Variants in RALGPS1 observed in about 807,000 individuals in gnomAD.
RALGPS1 encodes ras-specific guanine nucleotide-releasing factor RalGPS1.
Under a neutral mutation model 78.8 loss-of-function variants are expected in RALGPS1, and 19 were observed. The ratio of observed to expected loss-of-function variants is 0.24; its 90% CI spans 0.17 to 0.35. RALGPS1 has a LOEUF of 0.35. RALGPS1 is among the 10% of genes least tolerant of loss of function. The pLI, the probability that RALGPS1 is intolerant of heterozygous loss-of-function variation, is 1.00. For synonymous variants in RALGPS1, 228 were observed against 256.3 expected (o/e 0.89, Z 1.06); for missense variants, 454 against 688.3 (o/e 0.66, Z 3.81).
chr9:127,183,307 T>A lies in RALGPS1; in HGVS notation c.910+8525T>A, dbSNP rs1227638195. ...GGCACTTCCGTGGGTATTTCAGAGA[T>A]TCCACAAGTCCCTTGACCCAGGCAG... On this transcript the variant is annotated intron_variant, in intron 11 of 18. Coordinates refer to ENST00000259351, the MANE Select transcript of RALGPS1 (RefSeq NM_014636.3). This position sits in a 1 kb window ranked among gnomAD's most constrained non-coding sequence, Gnocchi z 4.0. 6.6e-6 allele frequency among the ~76,000 whole-genome samples: 1 copy of A among 152,158 alleles called. No homozygotes were observed. Among genetic ancestry groups the A allele is most frequent in the Non-Finnish European group, 1.5e-5 (1 of 68,026 alleles).
Position 127,009,162 on chromosome 9 carries a change from T to A in RALGPS1, c.217-25269T>A, listed in dbSNP as rs1588990996. ...ACATAGACTTCATTGAAAGGAAAATTTGGGAGCTGCACTATCAGCTTTAAT... is the reference window on the plus strand; with the variant it reads ...ACATAGACTTCATTGAAAGGAAAATATGGGAGCTGCACTATCAGCTTTAAT... On this transcript the variant is annotated intron_variant, in intron 4 of 18. Coordinates refer to ENST00000259351, the MANE Select transcript of RALGPS1 (RefSeq NM_014636.3). 2.0e-5 allele frequency among the ~76,000 whole-genome samples: 3 copies of A among 152,202 alleles called. No homozygotes were observed. In the East Asian group the frequency reaches 5.8e-4, roughly 29 times the overall value.
chr9:127,183,554 A>G lies in RALGPS1; in HGVS notation c.910+8772A>G, dbSNP rs2060425369. Among the ~76,000 whole-genome samples, 1 of 152,166 alleles carries G rather than the reference A, an allele frequency of 6.6e-6. No homozygotes were observed. Among genetic ancestry groups the G allele is most frequent in the Non-Finnish European group, 1.5e-5 (1 of 68,036 alleles). On this transcript the variant is annotated intron_variant, in intron 11 of 18. Coordinates refer to ENST00000259351, the MANE Select transcript of RALGPS1 (RefSeq NM_014636.3). The surrounding 1 kb of genome is among the most constrained non-coding windows in gnomAD (Gnocchi z 4.0). ...TGTGGCCACCGCTGTCTTCTGGCAC[A>G]GCCGTTTGGCCTCATCAGGCCTGAG...
intron 11 of RALGPS1, chr9:127,184,155 A>G (rs1056218478): frequency 4.6e-6 from 5 of 1,076,730 alleles, no homozygotes; most frequent in Non-Finnish European, 6.8e-6. Context: ...GCAAAACCCC[A>G]TCTCTACAAA....
intron 7 of RALGPS1, 45 bp downstream of exon 7, chr9:127,052,984 A>G (rs1167186474): frequency 2.3e-6 from 3 of 1,308,790 alleles, no homozygotes; most frequent in East Asian, 2.3e-5. Flanking sequence ...CTATCATTTC[A>G]TTGGTGAAGT....
At chr9:127,044,869 C>T (rs2047616144) in intron 5 of RALGPS1, among the ~76,000 whole-genome samples, 1 of 152,194 alleles carries the variant, frequency 6.6e-6, no homozygotes, top group Non-Finnish European at 1.5e-5. Context: ...CTCTTTTCTT[C>T]CTCCTCCTGA....
rs755963750 is a variant in RALGPS1, at chr9:127,212,225, C to T, written c.1342C>T (p.Arg448Trp). The T allele has an allele frequency of 1.2e-5, 19 of 1,612,244 alleles. No individual in the cohort carries two copies. Among genetic ancestry groups the T allele is most frequent in the East Asian group, 2.2e-5 (1 of 44,876 alleles). The change falls in exon 15 of 19, where the codon CGG becomes TGG. Residue 448 changes from arginine to tryptophan, a missense_variant. Arg to Trp is a moderately radical substitution (Grantham distance 101, BLOSUM62 -3). Coordinates refer to ENST00000259351, the MANE Select transcript of RALGPS1 (RefSeq NM_014636.3). This position sits in a 1 kb window ranked among gnomAD's most constrained non-coding sequence, Gnocchi z 6.0. ...LRRKTLLKEG[R>W]KPALSSWTRY... is the part of the protein sequence containing the mutation. The stretch of plus-strand genomic sequence containing the variant: ...AAGAAAAACCCTGCTCAAGGAAGGG[C>T]GGAAGCCTGCGGTAAGTACAGACCC...
At chr9:127,197,512 C>T (rs1268505369) in intron 13 of RALGPS1, among the ~76,000 whole-genome samples, 29 of 90,238 alleles carry the variant, frequency 3.2e-4, no homozygotes, top group Non-Finnish European at 4.7e-4. Flanking sequence ...GGGTGGGGGG[C>T]GGGAGGGGAC....
chr9:126,954,860 C>T (rs2038196498), intron 1 of RALGPS1, among the ~76,000 whole-genome samples: 1 of 152,154 alleles, frequency 6.6e-6, no homozygotes, highest in Non-Finnish European at 1.5e-5. Flanking sequence ...AATGAAACCC[C>T]AGCTCCTCAC....
chr9:127,093,499 A>C (rs1268276390), intron 8 of RALGPS1, among the ~76,000 whole-genome samples: 1 of 152,200 alleles, frequency 6.6e-6, no homozygotes, highest in Non-Finnish European at 1.5e-5. Flanking sequence ...CTTGTCCTGC[A>C]GCAGTTTCTA....
chr9:127,014,508 T>C (rs2044638632), intron 4 of RALGPS1, among the ~76,000 whole-genome samples: 1 of 152,230 alleles, frequency 6.6e-6, no homozygotes, highest in Middle Eastern at 3.4e-3. Flanking sequence ...AAGCTGCTTG[T>C]GATCAAAAAG....
intron 8 of RALGPS1, among the ~76,000 whole-genome samples, chr9:127,113,448 CT>C (rs1246540562): frequency 6.0e-5 from 9 of 150,516 alleles, no homozygotes; most frequent in Non-Finnish European, 1.0e-4. Flanking sequence ...AGTTTGTTTA[CT>C]TTTGCTCTCT....
chr9:126,997,790 C>T (rs2042909349), intron 4 of RALGPS1, among the ~76,000 whole-genome samples: 1 of 152,154 alleles, frequency 6.6e-6, no homozygotes, highest in Non-Finnish European at 1.5e-5. Flanking sequence ...CTACAGTACC[C>T]AAAACAGCAT....
intron 8 of RALGPS1, chr9:127,094,057 C>T: frequency 7.8e-6 from 8 of 1,022,180 alleles, no homozygotes; most frequent in Non-Finnish European, 1.1e-5. Context: ...TCTGAGGTAA[C>T]CAATTTTTGT....
chr9:127,217,373 AAT>A (rs2062641136), intron 18 of RALGPS1: 1 of 997,434 alleles, frequency 1.0e-6, no homozygotes, highest in African/African-American at 1.7e-5. Flanking sequence ...GATTTAAGTG[AAT>A]CACAGTACAT....
Position 127,211,593 on chromosome 9 carries a change from T to A in RALGPS1, c.1248-538T>A, listed in dbSNP as rs1412230698. Among the ~76,000 whole-genome samples, 1 of 152,186 alleles carries A rather than the reference T, an allele frequency of 6.6e-6. No individual in the cohort carries two copies. The highest frequency in any genetic ancestry group is 1.9e-4 in the East Asian group (1 of 5,172). The stretch of plus-strand genomic sequence containing the variant: ...TGCCATGCCCTTGGACGCCTTCATC[T>A]GTAGGTGGTGCTTGAGTCCCCAAGG... On this transcript the variant is annotated intron_variant, in intron 14 of 18. Transcript: ENST00000259351. This position sits in a 1 kb window ranked among gnomAD's most constrained non-coding sequence, Gnocchi z 5.0.
At chr9:127,041,142 A>C (rs2047280621) in intron 5 of RALGPS1, among the ~76,000 whole-genome samples, 2 of 150,266 alleles carry the variant, frequency 1.3e-5, no homozygotes, top group African/African-American at 4.9e-5. Context: ...CCCAGGCTGG[A>C]GTGCAGTGGC....
intron 11 of RALGPS1, among the ~76,000 whole-genome samples, chr9:127,192,313 G>A (rs748091645): frequency 2.0e-5 from 3 of 152,240 alleles, no homozygotes; most frequent in Non-Finnish European, 4.4e-5. Context: ...GGCAGGAGCC[G>A]AGGGTGGGCT....
intron 4 of RALGPS1, chr9:126,989,828 G>C (rs531272427): frequency 1.3e-6 from 2 of 1,537,946 alleles, no homozygotes. Context: ...TCCTGCATCA[G>C]GCTGGAGCTC....
chr9:127,164,146 A>G (rs1406140552), intron 8 of RALGPS1, among the ~76,000 whole-genome samples: 1 of 152,054 alleles, frequency 6.6e-6, no homozygotes, highest in African/African-American at 2.4e-5. Flanking sequence ...ACTTTTTAGG[A>G]CTTACTGAGG....
Sources: gnomAD v4.1 joint callset for allele counts (sites outside exome capture counted in the v4.1 genomes callset) on GRCh38, gnomAD v4.1.1 for gene constraint, Gnocchi (gnomAD v3.1) non-coding constraint, MANE v1.5 for transcripts, NCBI Gene and HGNC (gene_info 2026-07-23, HGNC 2026-07-21) for gene names.